The following PARK7 variants were observed in gnomAD, a reference collection of about 807,000 sequenced individuals.
The protein encoded by PARK7 is Parkinsonism associated deglycase.
PARK7 carries 14 observed loss-of-function variants against 20.5 expected under a neutral mutation model. The ratio of observed to expected loss-of-function variants is 0.68; its 90% confidence interval spans 0.45 to 1.07. The LOEUF is 1.07. Among genes scored for constraint, PARK7 ranks in the 50% least tolerant of loss-of-function variants. PARK7 has a pLI of 0.00. For synonymous variants in PARK7, 98 were observed against 84.3 expected, an observed-to-expected ratio of 1.16 and a Z score of -0.89; for missense variants, 234 against 238.1, an observed-to-expected ratio of 0.98 and a Z score of 0.11.
chr1:7,968,714 G>C (rs1219747313), intron 3 of PARK7, among the ~76,000 whole-genome samples: 1 of 151,976 alleles, frequency 6.6e-6, no homozygotes, highest in African/African-American at 2.4e-5. Context: ...TGGGGGTTTT[G>C]CCATGTTGGC....
intron 2 of PARK7, among the ~76,000 whole-genome samples, chr1:7,964,787 A>G (rs1213855470): frequency 1.3e-5 from 2 of 152,164 alleles, no homozygotes; most frequent in Admixed American, 6.5e-5. Flanking sequence ...CGTTGTTTGG[A>G]CTTGCATTTC....
At chr1:7,976,043 TTAGG>T (rs1557448308) in intron 5 of PARK7, among the ~76,000 whole-genome samples, 1 of 152,184 alleles carries the variant, frequency 6.6e-6, no homozygotes, top group Non-Finnish European at 1.5e-5. Context: ...GCTTATGTAA[TTAGG>T]TAGTATTTGT....
chr1:7,970,768 T>A, intron 4 of PARK7, 126 bp from the exon 5 acceptor site: 1 of 853,076 alleles, frequency 1.2e-6, no homozygotes, highest in Admixed American at 2.0e-5. Context: ...TTTAGAAATA[T>A]TGTTGGAAAA....
intron 5 of PARK7, among the ~76,000 whole-genome samples, chr1:7,974,867 TTG>T (rs1395443018): frequency 1.3e-5 from 2 of 150,678 alleles, no homozygotes; most frequent in Non-Finnish European, 3.0e-5. Context: ...TTTTTTTTTT[TTG>T]TTGAAATGGG....
Position 7,985,462 on chromosome 1 carries a change from T to C in PARK7, c.*408T>C, listed in dbSNP as rs1640800189. The C allele has an allele frequency of 7.0e-6, 2 of 285,132 alleles. No individual in the cohort carries two copies. Among genetic ancestry groups the C allele is most frequent in the South Asian group, 3.4e-5 (1 of 29,300 alleles). 17.7% of individuals were successfully genotyped at this position (285,132 alleles called of 1,614,324 possible). A position where few individuals can be genotyped will look rare whatever the true frequency, so the allele number is the denominator to read the frequency against. ...AGAGGCTTGTGATTTTCTCTGCTTA[T>C]TAGCTGTGTGTTTTTAATGTGCTAT... On this transcript the variant is annotated 3_prime_UTR_variant, in exon 7 of 7. Transcript: ENST00000338639.
chr1:7,973,288 G>T (rs553994015), intron 5 of PARK7, among the ~76,000 whole-genome samples: 97 of 152,212 alleles, frequency 6.4e-4, no homozygotes, highest in Non-Finnish European at 1.2e-3. Context: ...AGTCACTGCA[G>T]CCCAAGCAGC....
At position 7,970,893 on chromosome 1, in the gene PARK7, G is replaced by A; in HGVS notation, c.253-1G>A. 2.5e-6 allele frequency: 4 copies of A among 1,614,146 alleles called. No homozygotes were observed. The highest frequency in any genetic ancestry group is 2.5e-6 in the Non-Finnish European group (3 of 1,180,018). Reference sequence around the variant, plus strand: ...TGTATTTTTGGTTTTCTTTTCACTAGTCTGCTGCTGTGAAGGAGATACTGA... The same window carrying A: ...TGTATTTTTGGTTTTCTTTTCACTAATCTGCTGCTGTGAAGGAGATACTGA... On this transcript the variant is annotated splice_acceptor_variant, in intron 4 of 6. Coordinates refer to ENST00000338639, the MANE Select transcript of PARK7 (RefSeq NM_007262.5). LOFTEE classifies it high-confidence loss of function.
chr1:7,981,098 C>T lies in PARK7; in HGVS notation c.409+3360C>T, dbSNP rs554454081. Among the ~76,000 whole-genome samples, 147 of 152,114 alleles carry T rather than the reference C, an allele frequency of 9.7e-4. 1 individual carries two copies. The highest frequency in any genetic ancestry group is 1.7e-3 in the Non-Finnish European group (116 of 68,018). On this transcript the variant is annotated intron_variant, in intron 6 of 6. Coordinates refer to ENST00000338639, the MANE Select transcript of PARK7 (RefSeq NM_007262.5). ...TTCTCATTTGTCCACTGTTTGATGG[C>T]ATCCGCATGCCTGGTCCCATACCCG...
chr1:7,982,322 T>A (rs923154112), intron 6 of PARK7, among the ~76,000 whole-genome samples: 4 of 151,982 alleles, frequency 2.6e-5, no homozygotes, highest in African/African-American at 9.7e-5. Flanking sequence ...CTTTAAGACT[T>A]GGAGTCTGGT....
intron 5 of PARK7, chr1:7,971,272 A>G: frequency 4.7e-6 from 2 of 422,340 alleles, no homozygotes; most frequent in South Asian, 4.2e-5. Flanking sequence ...TCTCTGTGCC[A>G]GAAAGTCTTT....
Position 7,969,293 on chromosome 1 carries a change from G to T in PARK7, c.193-52G>T, listed in dbSNP as rs1578094992. ...AGTATTATTGGACTGTCAATTTAAT[G>T]CACAGTTGAAATGAAATGTTTTTGT... On this transcript the variant is annotated intron_variant, in intron 3 of 6. Coordinates refer to ENST00000338639, the MANE Select transcript of PARK7 (RefSeq NM_007262.5). 7.1e-6 allele frequency: 10 copies of T among 1,417,160 alleles called. No homozygotes were observed. In the East Asian group the frequency reaches 1.6e-4, roughly 23 times the overall value. 87.8% of individuals were successfully genotyped at this position (1,417,160 alleles called of 1,614,324 possible).
intron 6 of PARK7, among the ~76,000 whole-genome samples, chr1:7,981,235 C>G (rs1640703200): frequency 6.6e-6 from 1 of 152,138 alleles, no homozygotes; most frequent in Non-Finnish European, 1.5e-5. Flanking sequence ...TCATCCGTTG[C>G]CTGAGGATAA....
At chr1:7,980,338 G>T (rs1236174359) in intron 6 of PARK7, among the ~76,000 whole-genome samples, 1 of 152,110 alleles carries the variant, frequency 6.6e-6, no homozygotes, top group Admixed American at 6.6e-5. Context: ...AGCGGAGCGC[G>T]CTCCTGCACT....
At chr1:7,983,915 G>A (rs969130497) in intron 6 of PARK7, among the ~76,000 whole-genome samples, 2 of 152,198 alleles carry the variant, frequency 1.3e-5, no homozygotes, top group Non-Finnish European at 1.5e-5. Context: ...CCTTTTTAAA[G>A]AGTAAACAAT....
intron 3 of PARK7, among the ~76,000 whole-genome samples, chr1:7,968,799 G>A (rs1339153741): frequency 6.6e-6 from 1 of 152,202 alleles, no homozygotes; most frequent in Non-Finnish European, 1.5e-5. Flanking sequence ...TTACAGACAT[G>A]AGCCAGTGTG....
Position 7,969,406 on chromosome 1 carries a change from T to A in PARK7, c.252+2T>A. On this transcript the variant is annotated splice_donor_variant, in intron 4 of 6. Transcript: ENST00000338639. LOFTEE classifies it high-confidence loss of function. ...CTGGGCGCACAGAATTTATCTGAGGTAAAAAATTCTACTCAATTATACCTC... is the reference window on the plus strand; with the variant it reads ...CTGGGCGCACAGAATTTATCTGAGGAAAAAAATTCTACTCAATTATACCTC... The A allele has an allele frequency of 7.0e-7, 1 of 1,424,174 alleles. No homozygotes were observed. The highest frequency in any genetic ancestry group is 9.6e-7 in the Non-Finnish European group (1 of 1,039,082). 88.2% of individuals were successfully genotyped at this position (1,424,174 alleles called of 1,614,324 possible).
In PARK7 at chr1:7,977,500, A is replaced by T. The variant is rs925105156; in HGVS notation, c.323-152A>T. On this transcript the variant is annotated intron_variant, in intron 5 of 6. Transcript: ENST00000338639. ...GAAGGGGTCTGTGTTGCCCAGGCTG[A>T]TGTTGAATTCCTGGGCTCAAGCAAT... 35 of 656,990 alleles carry T rather than the reference A, an allele frequency of 5.3e-5. No individual in the cohort carries two copies. In the African/African-American group the frequency reaches 6.0e-4, roughly 11 times the overall value. The allele number at this position is 656,990 out of a possible 1,614,324, so 40.7% of individuals were successfully genotyped here.
rs977938630 is a variant in PARK7 at position 7,985,457 on chromosome 1, G to C, written c.*403G>C. 15 of 285,316 alleles carry C rather than the reference G, an allele frequency of 5.3e-5. No individual in the cohort carries two copies. The highest frequency in any genetic ancestry group is 6.8e-5 in the Non-Finnish European group (10 of 146,106). 17.7% of individuals were successfully genotyped at this position (285,316 alleles called of 1,614,324 possible). On this transcript the variant is annotated 3_prime_UTR_variant, in exon 7 of 7. Transcript: ENST00000338639. The stretch of plus-strand genomic sequence containing the variant: ...ATTTAAGAGGCTTGTGATTTTCTCT[G>C]CTTATTAGCTGTGTGTTTTTAATGT...
chr1:7,966,157 G>T (rs963610032), intron 3 of PARK7, among the ~76,000 whole-genome samples: 6 of 152,034 alleles, frequency 3.9e-5, no homozygotes, highest in African/African-American at 1.4e-4. Context: ...CGTGACAGGA[G>T]TGTGGACTGT....
Sources: allele counts gnomAD v4.1 joint callset (sites outside exome capture counted in the v4.1 genomes callset), GRCh38; gene constraint gnomAD v4.1.1; transcripts MANE v1.5; gene names NCBI Gene and HGNC (gene_info 2026-07-23, HGNC 2026-07-21).